Variants in LRP1B observed in about 807,000 individuals in gnomAD.
LRP1B encodes the protein LDL receptor related protein 1B, also known as low-density lipoprotein receptor-related protein 1B.
Under a neutral mutation model 556.6 loss-of-function variants are expected in LRP1B, and 217 were observed. That is an observed-to-expected ratio of 0.39 (90% CI 0.35 to 0.44). LRP1B has a LOEUF of 0.44. Among genes scored for constraint, LRP1B ranks in the 20% least tolerant of loss-of-function variants. The pLI, the probability that LRP1B is intolerant of heterozygous loss-of-function variation, is 1.00. For missense variants in LRP1B, 5,053 were observed against 5,620.8 expected (o/e 0.90, Z 3.23); for synonymous variants, 2,047 against 1,865.8 (o/e 1.10, Z -2.50).
intron 75 of LRP1B, among the ~76,000 whole-genome samples, chr2:140,353,572 CT>C: frequency 6.6e-6 from 1 of 152,140 alleles, no homozygotes; most frequent in African/African-American, 2.4e-5. Context: ...CCCTTGCCCA[CT>C]TTTCCATACA....
chr2:141,808,053 C>T (rs546996145), intron 2 of LRP1B, among the ~76,000 whole-genome samples: 2 of 152,186 alleles, frequency 1.3e-5, no homozygotes, highest in South Asian at 4.1e-4. Flanking sequence ...AAAATCTCTC[C>T]AGTCTGTTTC....
chr2:140,252,193 A>G (rs899055558), intron 86 of LRP1B, among the ~76,000 whole-genome samples: 1 of 148,410 alleles, frequency 6.7e-6, no homozygotes, highest in African/African-American at 2.5e-5. Flanking sequence ...TCCATCTGTT[A>G]TTTTTTTGTA....
chr2:141,602,344 C>A (rs746928805), intron 2 of LRP1B, among the ~76,000 whole-genome samples: 2 of 152,104 alleles, frequency 1.3e-5, no homozygotes, highest in Non-Finnish European at 2.9e-5. Context: ...CAGCTGAGTA[C>A]TGAAACTTAA....
intron 3 of LRP1B, among the ~76,000 whole-genome samples, chr2:141,377,447 T>C (rs1424178092): frequency 2.0e-5 from 3 of 152,106 alleles, no homozygotes; most frequent in African/African-American, 7.2e-5. Flanking sequence ...TGTTGAACAG[T>C]AGTTTAAAGA....
intron 7 of LRP1B, among the ~76,000 whole-genome samples, chr2:141,086,005 G>C (rs1011232945): frequency 6.6e-6 from 1 of 152,158 alleles, no homozygotes; most frequent in Non-Finnish European, 1.5e-5. Flanking sequence ...ATACTACACA[G>C]GCAATATTGG....
At chr2:141,354,970 T>C (rs1002077100) in intron 3 of LRP1B, among the ~76,000 whole-genome samples, 4 of 152,130 alleles carry the variant, frequency 2.6e-5, no homozygotes, top group East Asian at 3.8e-4. Flanking sequence ...TAACAGTTTG[T>C]ATAACTCATT....
intron 77 of LRP1B, among the ~76,000 whole-genome samples, chr2:140,342,045 G>A (rs566277253): frequency 4.0e-5 from 6 of 151,412 alleles, no homozygotes; most frequent in South Asian, 2.1e-4. Flanking sequence ...AAGTTAGAAT[G>A]GCTATTATTA....
At chr2:141,685,082 A>G (rs1489288829) in intron 2 of LRP1B, among the ~76,000 whole-genome samples, 9 of 152,004 alleles carry the variant, frequency 5.9e-5, no homozygotes, top group Non-Finnish European at 1.5e-5. Context: ...TTTGCTTGGG[A>G]CCAATAACTC....
chr2:142,051,167 A>G (rs934169616), intron 1 of LRP1B, among the ~76,000 whole-genome samples: 4 of 152,070 alleles, frequency 2.6e-5, no homozygotes, highest in African/African-American at 9.7e-5. Context: ...AAAGAGTCCA[A>G]GTAGTGCCTT....
intron 45 of LRP1B, 23 bp from the exon 46 acceptor site, chr2:140,536,732 CA>C: frequency 6.6e-7 from 1 of 1,526,592 alleles, no homozygotes; most frequent in South Asian, 1.2e-5. Context: ...AAAAAAAAGT[CA>C]ATACTTTTGT....
Position 141,425,064 on chromosome 2 carries a change from C to T in LRP1B, c.343+55332G>A, listed in dbSNP as rs538056568. ...AGGTATATCTCCTAATGCTATCCCT[C>T]CCCCGTCCCCCAACCCCACAACAGG... On this transcript the variant is annotated intron_variant, in intron 3 of 90. Transcript: ENST00000389484. 6.2e-5 allele frequency among the ~76,000 whole-genome samples: 9 copies of T among 144,288 alleles called. No individual in the cohort carries two copies. In the South Asian group the frequency reaches 1.1e-3, roughly 18 times the overall value. The allele number at this position is 144,288 out of a possible 152,430, so 94.7% of individuals were successfully genotyped here.
chr2:141,639,066 C>G (rs114848651), intron 2 of LRP1B, among the ~76,000 whole-genome samples: 4,828 of 120,166 alleles, frequency 0.04, 258 homozygotes, highest in South Asian at 0.091. Context: ...AATACAGTAT[C>G]CATAAGTGGC....
At chr2:141,225,691 G>T (rs902731276) in intron 6 of LRP1B, among the ~76,000 whole-genome samples, 1 of 152,156 alleles carries the variant, frequency 6.6e-6, no homozygotes, top group African/African-American at 2.4e-5. Flanking sequence ...ATAAAATTCA[G>T]TAAGAAATTT....
At chr2:141,095,883 T>C (rs1359070334) in intron 7 of LRP1B, among the ~76,000 whole-genome samples, 2 of 152,128 alleles carry the variant, frequency 1.3e-5, no homozygotes, top group African/African-American at 4.8e-5. Context: ...CAAACATCAG[T>C]ACATTCTTCC....
chr2:141,218,730 A>G (rs1047231696), intron 6 of LRP1B, among the ~76,000 whole-genome samples: 1 of 152,204 alleles, frequency 6.6e-6, no homozygotes, highest in Non-Finnish European at 1.5e-5. Context: ...ACATCATGCA[A>G]TATACCCACA....
chr2:141,862,017 G>T (rs958362324), intron 1 of LRP1B, among the ~76,000 whole-genome samples: 1 of 151,982 alleles, frequency 6.6e-6, no homozygotes, highest in Non-Finnish European at 1.5e-5. Flanking sequence ...AGTCATAAAT[G>T]CACAAACCTA....
intron 66 of LRP1B, among the ~76,000 whole-genome samples, chr2:140,435,749 G>A (rs1190301048): frequency 6.6e-6 from 1 of 151,574 alleles, no homozygotes; most frequent in South Asian, 2.1e-4. Context: ...AGTTACCAAA[G>A]GCATTGGATG....
chr2:141,091,060 C>A (rs945660804), intron 7 of LRP1B, among the ~76,000 whole-genome samples: 1 of 152,142 alleles, frequency 6.6e-6, no homozygotes, highest in African/African-American at 2.4e-5. Flanking sequence ...TTGCTGGATA[C>A]ATGAAGTTTG....
chr2:141,371,983 A>T (rs1689244479), intron 3 of LRP1B, among the ~76,000 whole-genome samples: 1 of 152,092 alleles, frequency 6.6e-6, no homozygotes, highest in African/African-American at 2.4e-5. Flanking sequence ...TTCCCCACTT[A>T]GTATGATGTT....
Sources: allele counts gnomAD v4.1 joint callset (sites outside exome capture counted in the v4.1 genomes callset), GRCh38; gene constraint gnomAD v4.1.1; transcripts MANE v1.5; gene names NCBI Gene and HGNC (gene_info 2026-07-23, HGNC 2026-07-21).